The following SUN2 variants were observed in gnomAD, a reference collection of about 807,000 sequenced individuals.
SUN2 encodes Sad1 and UNC84 domain containing 2.
SUN2 carries 60 observed loss-of-function variants against 100.0 expected under a neutral mutation model. The ratio of observed to expected loss-of-function variants is 0.60; its 90% confidence interval spans 0.49 to 0.74. SUN2 has a LOEUF of 0.74. SUN2 is among the 30% of genes least tolerant of loss of function. SUN2 has a pLI of 0.00. For missense variants in SUN2, 834 were observed against 954.6 expected (o/e 0.87, Z 1.66); for synonymous variants, 367 against 403.3 (o/e 0.91, Z 1.08).
At position 38,739,798 on chromosome 22, in the gene SUN2, C is replaced by T. The variant is rs570008595; in HGVS notation, c.1502G>A (p.Gly501Asp). Residue 501 changes from glycine to aspartate, a missense_variant, in exon 13 of 18, where the codon GGC becomes GAC. Gly to Asp is a moderately conservative substitution (Grantham distance 94). Around this residue, in one of 3 missense-constraint regions of SUN2, gnomAD observed 195 missense variants for 280.2 expected, o/e 0.70. Transcript: ENST00000689035. This position sits in a 1 kb window ranked among gnomAD's most constrained non-coding sequence, Gnocchi z 6.7. ...GGCCGCGGCTTCCCTGGCCGACTTG[C>T]CCTGCATCTCTGCCACATGGGTGAG... ...KILTHVAEMQ[G>D]KSAREAAASL... The T allele has an allele frequency of 1.9e-6, 3 of 1,613,668 alleles. No individual in the cohort carries two copies. The South Asian group carries it at 3.3e-5, about 18-fold the overall frequency.
Position 38,742,404 on chromosome 22 carries a change from C to G in SUN2, c.965G>C (p.Gly322Ala), listed in dbSNP as rs913212748. The G allele has an allele frequency of 6.2e-7, 1 of 1,613,216 alleles. No individual in the cohort carries two copies. The highest frequency in any genetic ancestry group is 8.5e-7 in the Non-Finnish European group (1 of 1,179,978). The part of the protein sequence containing the change: ...QGAPGQGGGG[G>A]LSHEDTLALL... ...CGCCAGGGTGTCCTCGTGGCTCAGG[C>G]CACCACCACCTCCCTGGCCAGGAGC... Residue 322 changes from glycine to alanine, a missense_variant, in exon 9 of 18, where the codon GGC becomes GCC. Transcript: ENST00000689035.
chr22:38,751,239 A>G lies in SUN2; in HGVS notation c.257T>C (p.Leu86Pro). Residue 86 changes from leucine (L) to proline (P), a missense_variant, in exon 3 of 18, where the codon CTG (leucine) becomes CCG (proline). This residue lies in a region of SUN2 where 559 missense variants were observed against 597.7 expected (regional missense o/e 0.94). Transcript: ENST00000689035. Reference sequence around the variant, plus strand: ...GTTGGCGTCACCATGCAGTTCCTCCAGGGAGCTCCTGGGTGGGAACCAGGA... The same window carrying G: ...GTTGGCGTCACCATGCAGTTCCTCCGGGGAGCTCCTGGGTGGGAACCAGGA... The part of the protein sequence containing the change: ...HESWFPPRSS[L>P]EELHGDANWG... 1.2e-6 allele frequency: 2 copies of G among 1,613,766 alleles called. No homozygotes were observed. The highest frequency in any genetic ancestry group is 1.7e-5 in the Admixed American group (1 of 60,012).
rs952596223 is a variant in SUN2, at chr22:38,754,536, T to C, written c.-38+1227A>G. On this transcript the variant is annotated intron_variant, in intron 1 of 17. Coordinates refer to ENST00000689035, the MANE Select transcript of SUN2 (RefSeq NM_015374.3). ...TAGCTGGTGTTGGAAAAGGGACCGA[T>C]TGGTAGTAGGAAAAGCAGGAAGTTG... 5.0e-6 allele frequency: 5 copies of C among 992,812 alleles called. No homozygotes were observed. In the African/African-American group the frequency reaches 8.4e-5, roughly 17 times the overall value. The allele number at this position is 992,812 out of a possible 1,614,324, so 61.5% of individuals were successfully genotyped here.
At chr22:38,749,357 G>A (rs1353994062) in intron 6 of SUN2, among the ~76,000 whole-genome samples, 1 of 152,182 alleles carries the variant, frequency 6.6e-6, no homozygotes, top group Non-Finnish European at 1.5e-5. Flanking sequence ...GGGGAACTCG[G>A]GGGGTTAGAT....
chr22:38,740,841 C>T lies in SUN2; in HGVS notation c.1190+166G>A. On this transcript the variant is annotated intron_variant, in intron 11 of 17. Transcript: ENST00000689035. This position sits in a 1 kb window ranked among gnomAD's most constrained non-coding sequence, Gnocchi z 4.8. Reference sequence around the variant, plus strand: ...GCTAACCTCCATGGCACCTCAAAGACAGGCCCTGGGCAGGGGTCCTGAGCT... The same window carrying T: ...GCTAACCTCCATGGCACCTCAAAGATAGGCCCTGGGCAGGGGTCCTGAGCT... 1.4e-6 allele frequency: 1 copy of T among 730,344 alleles called. No homozygotes were observed. Among genetic ancestry groups the T allele is most frequent in the South Asian group, 1.7e-5 (1 of 58,080 alleles). The allele number at this position is 730,344 out of a possible 1,614,324, so 45.2% of individuals were successfully genotyped here.
chr22:38,744,956 C>T (rs2092891080), intron 8 of SUN2: 21 of 439,750 alleles, frequency 4.8e-5, no homozygotes, highest in Middle Eastern at 3.4e-4. Context: ...CTCCTCCCTG[C>T]AGCCGCACCT....
At position 38,750,910 on chromosome 22, in the gene SUN2, C is replaced by T; in HGVS notation, c.412G>A (p.Asp138Asn). The change falls in exon 4 of 18, where the codon GAC (aspartate) becomes AAC (asparagine). Residue 138 changes from aspartate to asparagine, a missense_variant. Physicochemically the swap from Asp to Asn is conservative, Grantham distance 23 (BLOSUM62 1). Around this residue, in one of 3 missense-constraint regions of SUN2, gnomAD observed 559 missense variants for 597.7 expected, o/e 0.94. Transcript: ENST00000689035. Reference sequence around the variant, plus strand: ...AAGCATCGCCTACCCACGTAGTCGTCCTCAGAGGAGTAGCCCGAGGAAGAG... The same window carrying T: ...AAGCATCGCCTACCCACGTAGTCGTTCTCAGAGGAGTAGCCCGAGGAAGAG... Reference protein sequence around the residue: ...LGSSSGYSSEDDYVGYSDVDQ... With the variant: ...LGSSSGYSSENDYVGYSDVDQ... 6.2e-7 allele frequency: 1 copy of T among 1,614,044 alleles called. No individual in the cohort carries two copies. The highest frequency in any genetic ancestry group is 8.5e-7 in the Non-Finnish European group (1 of 1,180,006).
At chr22:38,752,709 G>A (rs773583111) in intron 1 of SUN2, 44 bp from the exon 2 acceptor site, 2 of 1,558,788 alleles carry the variant, frequency 1.3e-6, no homozygotes, top group African/African-American at 1.3e-5. Flanking sequence ...GCCTGGGGCT[G>A]TCCCCAGCTC....
Position 38,739,171 on chromosome 22 carries a change from C to G in SUN2, c.1663+171G>C. ...CCCTGGCCCAGGATGGTACTCGGTACGTCCTGACTTCCCTGAATTGCCACT... is the reference window on the plus strand; with the variant it reads ...CCCTGGCCCAGGATGGTACTCGGTAGGTCCTGACTTCCCTGAATTGCCACT... On this transcript the variant is annotated intron_variant, in intron 14 of 17. Transcript: ENST00000689035. The surrounding 1 kb of genome is among the most constrained non-coding windows in gnomAD (Gnocchi z 6.7). 1 of 893,748 alleles carries G rather than the reference C, an allele frequency of 1.1e-6. No individual in the cohort carries two copies. The highest frequency in any genetic ancestry group is 1.6e-5 in the African/African-American group (1 of 60,790). 55.4% of individuals were successfully genotyped at this position (893,748 alleles called of 1,614,324 possible).
chr22:38,736,074 C>G lies in SUN2; in HGVS notation c.*193G>C, dbSNP rs1176432353. Reference sequence around the variant, plus strand: ...GGCACAGAGGGAAGGAAGAAGGGAGCTGCTGGAGCCTGCTAACCGCCTCGA... The same window carrying G: ...GGCACAGAGGGAAGGAAGAAGGGAGGTGCTGGAGCCTGCTAACCGCCTCGA... On this transcript the variant is annotated 3_prime_UTR_variant, in exon 18 of 18. Transcript: ENST00000689035. 4.6e-6 allele frequency: 3 copies of G among 654,378 alleles called. No individual in the cohort carries two copies. In the Admixed American group the frequency reaches 7.4e-5, roughly 16 times the overall value. The allele number at this position is 654,378 out of a possible 1,614,324, so 40.5% of individuals were successfully genotyped here.
Position 38,740,638 on chromosome 22 carries a change from C to T in SUN2, c.1191-206G>A, listed in dbSNP as rs1227188510. On this transcript the variant is annotated intron_variant, in intron 11 of 17. Transcript: ENST00000689035. The surrounding 1 kb of genome is among the most constrained non-coding windows in gnomAD (Gnocchi z 4.8). Reference sequence around the variant, plus strand: ...TCCCAAGGAGCTAATTCTGAGCCTGCTCCCTTTCTAAGCCCAGAGTCCAGA... The same window carrying T: ...TCCCAAGGAGCTAATTCTGAGCCTGTTCCCTTTCTAAGCCCAGAGTCCAGA... The T allele has an allele frequency of 1.2e-5, 7 of 571,630 alleles. No homozygotes were observed. Among genetic ancestry groups the T allele is most frequent in the Non-Finnish European group, 2.1e-5 (7 of 329,552 alleles). The allele number at this position is 571,630 out of a possible 1,614,324, so 35.4% of individuals were successfully genotyped here.
At chr22:38,736,850 CT>C in intron 17 of SUN2, 1 of 153,792 alleles carries the variant, frequency 6.5e-6, no homozygotes, top group Non-Finnish European at 1.4e-5. Context: ...CCTCTACCCT[CT>C]TTTTTTGTTT....
intron 1 of SUN2, chr22:38,754,603 TCCCCTCC>T: frequency 3.7e-5 from 33 of 888,944 alleles, no homozygotes; most frequent in Non-Finnish European, 4.8e-5. Context: ...TAAGGTAATC[TCCCCTCC>T]CCCCTCCCTG....
Position 38,734,978 on chromosome 22 carries a change from A to C in SUN2, c.*1289T>G, listed in dbSNP as rs2092789452. 3.5e-6 allele frequency: 1 copy of C among 284,050 alleles called. No homozygotes were observed. Among genetic ancestry groups the C allele is most frequent in the Non-Finnish European group, 7.0e-6 (1 of 143,588 alleles). The allele number at this position is 284,050 out of a possible 1,614,324, so 17.6% of individuals were successfully genotyped here. On this transcript the variant is annotated 3_prime_UTR_variant, in exon 18 of 18. Transcript: ENST00000689035. Reference sequence around the variant, plus strand: ...CTTCCCCGCAGCCAGACCACCAGACACAGCCGGAACCAGTGCCCCAGGCCC... The same window carrying C: ...CTTCCCCGCAGCCAGACCACCAGACCCAGCCGGAACCAGTGCCCCAGGCCC...
rs1477127297 is a variant in SUN2, at chr22:38,752,548, C to T, written c.81G>A (p.Val27=). ...TAAACAGGGTGCTCTGACTCCCAGC[C>T]ACCGAGCTCCCTCCGCTGCTGCTGC... ...DGSSSSGGSS[V]AGSQSTLFKD... The change falls in exon 2 of 18, where the codon GTG becomes GTA. Residue 27 remains valine, a synonymous_variant. Transcript: ENST00000689035. 1.2e-6 allele frequency: 2 copies of T among 1,613,858 alleles called. No individual in the cohort carries two copies. The highest frequency in any genetic ancestry group is 2.7e-5 in the African/African-American group (2 of 74,944).
intron 9 of SUN2, 105 bp from the exon 10 acceptor site, chr22:38,741,676 C>T (rs914991376): frequency 9.3e-7 from 1 of 1,071,712 alleles, no homozygotes; most frequent in African/African-American, 1.5e-5. Flanking sequence ...CTGTTTGCTT[C>T]CAGAGCCCTG....
intron 8 of SUN2, chr22:38,743,136 CATGAATTTGAGA>C (rs1393497183): frequency 6.6e-6 from 1 of 152,184 alleles, no homozygotes; most frequent in Non-Finnish European, 1.5e-5. Flanking sequence ...GATAGTGTGT[CATGAATTTGAGA>C]ATGTTGTTGG....
Position 38,755,524 on chromosome 22 carries a change from A to G in SUN2, c.-38+239T>C. 1.0e-6 allele frequency: 1 copy of G among 982,898 alleles called. No individual in the cohort carries two copies. Among genetic ancestry groups the G allele is most frequent in the Non-Finnish European group, 1.2e-6 (1 of 827,248 alleles). 60.9% of individuals were successfully genotyped at this position (982,898 alleles called of 1,614,324 possible). On this transcript the variant is annotated intron_variant, in intron 1 of 17. Coordinates refer to ENST00000689035, the MANE Select transcript of SUN2 (RefSeq NM_015374.3). The surrounding 1 kb of genome is among the most constrained non-coding windows in gnomAD (Gnocchi z 5.7). ...CCTCCTCCCGGGAGGCTGCCCGGGA[A>G]GTCCCGCCCGCAGACACCGCCCTCC...
rs2092850188 is a variant in SUN2 at position 38,740,800 on chromosome 22, C to T, written c.1190+207G>A. ...GTCCTCTCACACAGCCTGCCCCCCG[C>T]CCTCAGGACCCCCCTGCTAACCTCC... On this transcript the variant is annotated intron_variant, in intron 11 of 17. Coordinates refer to ENST00000689035, the MANE Select transcript of SUN2 (RefSeq NM_015374.3). The surrounding 1 kb of genome is among the most constrained non-coding windows in gnomAD (Gnocchi z 4.8). 1.6e-6 allele frequency: 1 copy of T among 612,538 alleles called. No individual in the cohort carries two copies. The highest frequency in any genetic ancestry group is 2.9e-6 in the Non-Finnish European group (1 of 346,842). 37.9% of individuals were successfully genotyped at this position (612,538 alleles called of 1,614,324 possible).
Sources: allele counts gnomAD v4.1 joint callset (sites outside exome capture counted in the v4.1 genomes callset), GRCh38; gene constraint gnomAD v4.1.1; regional missense constraint gnomAD v4.1.1; non-coding constraint Gnocchi (gnomAD v3.1); transcripts MANE v1.5; gene names NCBI Gene and HGNC (gene_info 2026-07-23, HGNC 2026-07-21).